AGBL3: variants seen among roughly 807,000 people sequenced by gnomAD.
AGBL3 encodes the protein AGBL carboxypeptidase 3, also known as cytosolic carboxypeptidase 3.
Under a neutral mutation model 94.5 loss-of-function variants are expected in AGBL3, and 68 were observed. The observed-to-expected ratio is 0.72, with a 90% CI of 0.59 to 0.88. The LOEUF is 0.88. AGBL3 is among the 40% of genes least tolerant of loss of function. The pLI, the probability that AGBL3 is intolerant of heterozygous loss-of-function variation, is 0.00. For synonymous variants in AGBL3, 354 were observed against 370.7 expected, an observed-to-expected ratio of 0.95 and a Z score of 0.52; for missense variants, 934 against 1,103.8, an observed-to-expected ratio of 0.85 and a Z score of 2.18.
intron 12 of AGBL3, among the ~76,000 whole-genome samples, chr7:135,068,138 G>A (rs549332071): frequency 5.0e-4 from 76 of 152,336 alleles, no homozygotes; most frequent in African/African-American, 1.8e-3. Context: ...GGGTATCAGT[G>A]ATGGAAGATC....
At chr7:135,037,833 G>T (rs1451433006) in intron 8 of AGBL3, among the ~76,000 whole-genome samples, 5 of 152,032 alleles carry the variant, frequency 3.3e-5, no homozygotes, top group Admixed American at 3.3e-4. Context: ...CCTTTTGAAA[G>T]CTTCCTCTAT....
chr7:135,030,189 A>C (rs988133312), intron 5 of AGBL3, among the ~76,000 whole-genome samples: 2 of 151,890 alleles, frequency 1.3e-5, no homozygotes, highest in Admixed American at 6.6e-5. Flanking sequence ...AAGAAAAAAA[A>C]CAGTATCTGT....
intron 12 of AGBL3, among the ~76,000 whole-genome samples, chr7:135,075,406 A>C (rs1820355743): frequency 6.6e-6 from 1 of 152,178 alleles, no homozygotes; most frequent in Non-Finnish European, 1.5e-5. Flanking sequence ...TGATGCATAC[A>C]TCCATAGTTT....
intron 8 of AGBL3, among the ~76,000 whole-genome samples, chr7:135,037,956 A>T (rs1480139508): frequency 2.6e-5 from 4 of 152,128 alleles, no homozygotes; most frequent in African/African-American, 9.7e-5. Flanking sequence ...AGAAATGTGT[A>T]ACAGTTTCTT....
Position 135,129,592 on chromosome 7 carries a change from C to T in AGBL3, c.2343-5249C>T, listed in dbSNP as rs374398973. 106 of 772,732 alleles carry T rather than the reference C, an allele frequency of 1.4e-4. 1 individual carries two copies. The East Asian group carries it at 2.0e-3, about 15-fold the overall frequency. The allele number at this position is 772,732 out of a possible 1,614,324, so 47.9% of individuals were successfully genotyped here. A position where few individuals can be genotyped will look rare whatever the true frequency, so the allele number is the denominator to read the frequency against. On this transcript the variant is annotated intron_variant, in intron 16 of 16. Transcript: ENST00000436302. ...ATGAGTTCTCTCTCTAGAGCAAACC[C>T]TTACAAACATTTCACTGATCCTGCT...
chr7:135,111,226 A>C (rs976037828), intron 15 of AGBL3, among the ~76,000 whole-genome samples: 2 of 152,224 alleles, frequency 1.3e-5, no homozygotes, highest in Non-Finnish European at 2.9e-5. Context: ...GCAGTGCTCT[A>C]GATCCCATGT....
intron 5 of AGBL3, among the ~76,000 whole-genome samples, chr7:135,021,206 T>C (rs1394733937): frequency 6.6e-6 from 1 of 152,226 alleles, no homozygotes; most frequent in Non-Finnish European, 1.5e-5. Context: ...CATATTGATA[T>C]TGTAGCTTTA....
intron 4 of AGBL3, among the ~76,000 whole-genome samples, chr7:135,005,332 A>G (rs1468163877): frequency 6.6e-6 from 1 of 151,780 alleles, no homozygotes; most frequent in Non-Finnish European, 1.5e-5. Context: ...TGTAATCTAA[A>G]CGCATACCAC....
At chr7:135,097,798 G>C (rs750697512) in intron 15 of AGBL3, among the ~76,000 whole-genome samples, 1 of 152,068 alleles carries the variant, frequency 6.6e-6, no homozygotes, top group Non-Finnish European at 1.5e-5. Context: ...TGACAAAGAC[G>C]TGTATGGTAA....
intron 16 of AGBL3, among the ~76,000 whole-genome samples, chr7:135,119,558 CA>C (rs959003063): frequency 3.1e-4 from 44 of 139,726 alleles, no homozygotes; most frequent in Admixed American, 2.8e-4. Context: ...AAAATGAGAC[CA>C]AAAAAAAAAG....
intron 12 of AGBL3, among the ~76,000 whole-genome samples, chr7:135,062,728 G>A (rs1818949720): frequency 6.6e-6 from 1 of 152,080 alleles, no homozygotes; most frequent in African/African-American, 2.4e-5. Flanking sequence ...TGATCATGAT[G>A]AATAATCTTT....
At chr7:135,082,213 C>A (rs1381575680) in intron 15 of AGBL3, among the ~76,000 whole-genome samples, 1 of 152,076 alleles carries the variant, frequency 6.6e-6, no homozygotes, top group African/African-American at 2.4e-5. Context: ...AAATTTCATC[C>A]ACTTCTTTTA....
At chr7:135,050,270 T>C (rs1175583272) in intron 11 of AGBL3, among the ~76,000 whole-genome samples, 5 of 151,994 alleles carry the variant, frequency 3.3e-5, no homozygotes, top group Admixed American at 3.3e-4. Flanking sequence ...TACTTGTTTG[T>C]TAAATTTGTT....
chr7:134,987,959 A>G lies in AGBL3; in HGVS notation c.26A>G (p.Asp9Gly), dbSNP rs190419930. The G allele has an allele frequency of 1.3e-6, 2 of 1,548,268 alleles. No individual in the cohort carries two copies. The highest frequency in any genetic ancestry group is 2.5e-5 in the East Asian group (1 of 40,654). Reference sequence around the variant, plus strand: ...ATGTCAGAAGATTCAGAAAAGGAAGACTATTCAGACAGAACAATCAGTGAT... The same window carrying G: ...ATGTCAGAAGATTCAGAAAAGGAAGGCTATTCAGACAGAACAATCAGTGAT... MSEDSEKE[D>G]YSDRTISDED... The change falls in exon 2 of 17, where the codon GAC (aspartate) becomes GGC (glycine). Residue 9 changes from aspartate (D) to glycine (G), a missense_variant. Physicochemically the swap from Asp to Gly is moderately conservative, Grantham distance 94. Transcript: ENST00000436302.
intron 15 of AGBL3, among the ~76,000 whole-genome samples, chr7:135,082,887 T>C (rs1055284382): frequency 5.3e-5 from 8 of 152,128 alleles, no homozygotes; most frequent in Non-Finnish European, 1.0e-4. Context: ...TTGTCAAAGC[T>C]TCAGACCCTG....
rs990554577 is a variant in AGBL3, at chr7:135,034,537, G to C, written c.946G>C (p.Asp316His). Residue 316 changes from aspartate (D) to histidine (H), a missense_variant, in exon 7 of 17, where the codon GAT becomes CAT. This residue lies in a region of AGBL3 where 488 missense variants were observed against 563.6 expected (regional missense o/e 0.87). Transcript: ENST00000436302. ...AGAATACCTTTCTGGCATCAATAAT[G>C]ATCCAGTACGGTCAAAGTTTTGTAA... Reference protein sequence around the residue: ...LQEYLSGINNDPVRSKFCKIR... With the variant: ...LQEYLSGINNHPVRSKFCKIR... 2 of 1,551,766 alleles carry C rather than the reference G, an allele frequency of 1.3e-6. No homozygotes were observed. The highest frequency in any genetic ancestry group is 2.7e-5 in the African/African-American group (2 of 73,020).
At chr7:135,132,516 C>T (rs1427281126) in intron 16 of AGBL3, among the ~76,000 whole-genome samples, 1 of 152,140 alleles carries the variant, frequency 6.6e-6, no homozygotes, top group Non-Finnish European at 1.5e-5. Flanking sequence ...GGGGATCTTA[C>T]TCAATAAAGT....
rs371154222 is a variant in AGBL3, at chr7:135,034,158, C to T, written c.567C>T (p.Tyr189=). The T allele has an allele frequency of 2.6e-4, 399 of 1,539,010 alleles. 1 individual carries two copies. The highest frequency in any genetic ancestry group is 3.3e-4 in the Non-Finnish European group (381 of 1,140,022). ...NLQKVVKVAE[Y]EYQLTVRPDL... ...CTTTCTTGTGTATTAGGGCAGAATA[C>T]GAATACCAATTGACTGTACGCCCTG... The change falls in exon 7 of 17, where the codon TAC becomes TAT. Residue 189 remains tyrosine, a synonymous_variant. Coordinates refer to ENST00000436302, the MANE Select transcript of AGBL3 (RefSeq NM_178563.4).
At chr7:135,073,452 C>T (rs1183781893) in intron 12 of AGBL3, among the ~76,000 whole-genome samples, 2 of 151,220 alleles carry the variant, frequency 1.3e-5, no homozygotes, top group African/African-American at 2.4e-5. Flanking sequence ...GCCCACGTGA[C>T]AGTGCAAGAC....
Sources: allele counts gnomAD v4.1 joint callset (sites outside exome capture counted in the v4.1 genomes callset), GRCh38; gene constraint gnomAD v4.1.1; regional missense constraint gnomAD v4.1.1; transcripts MANE v1.5; gene names NCBI Gene and HGNC (gene_info 2026-07-23, HGNC 2026-07-21).